CUL1: variants seen among roughly 807,000 people sequenced by gnomAD.
CUL1 encodes the protein cullin 1, also known as cullin-1.
A neutral mutation model predicts 118.0 loss-of-function variants in CUL1; 24 were observed. The observed-to-expected ratio is 0.20, with a 90% confidence interval of 0.15 to 0.29. CUL1 has a LOEUF of 0.29. CUL1 is among the 10% of genes least tolerant of loss of function. CUL1 has a pLI of 1.00. For missense variants in CUL1, 361 were observed against 933.8 expected, an observed-to-expected ratio of 0.39 and a Z score of 7.99; for synonymous variants, 332 against 340.4, an observed-to-expected ratio of 0.98 and a Z score of 0.27.
intron 16 of CUL1, among the ~76,000 whole-genome samples, chr7:148,791,977 A>G (rs1333108544): frequency 6.6e-6 from 1 of 152,186 alleles, no homozygotes; most frequent in African/African-American, 2.4e-5. Flanking sequence ...TCACAAGGTC[A>G]GGAGTTCGAG....
intron 1 of CUL1, among the ~76,000 whole-genome samples, chr7:148,715,296 A>G (rs1211285047): frequency 6.6e-6 from 1 of 152,108 alleles, no homozygotes; most frequent in Non-Finnish European, 1.5e-5. Flanking sequence ...TCTTCTCACC[A>G]TCGTGTTGAG....
chr7:148,750,781 AC>A (rs1691076290), intron 2 of CUL1, among the ~76,000 whole-genome samples: 1 of 152,160 alleles, frequency 6.6e-6, no homozygotes, highest in Non-Finnish European at 1.5e-5. Flanking sequence ...GTGATCACTT[AC>A]CATTCTGAAA....
intron 7 of CUL1, among the ~76,000 whole-genome samples, chr7:148,760,767 G>A (rs1799802412): frequency 1.3e-5 from 2 of 152,032 alleles, no homozygotes; most frequent in African/African-American, 4.8e-5. Context: ...TGTAGAATGT[G>A]GATTTATATA....
intron 2 of CUL1, among the ~76,000 whole-genome samples, chr7:148,750,990 A>C (rs374016947): frequency 1.2e-4 from 19 of 152,098 alleles, no homozygotes; most frequent in African/African-American, 3.9e-4. Flanking sequence ...TCTTTAAAAA[A>C]AAAAAAAAAC....
At chr7:148,706,174 C>T (rs1797873289) in intron 1 of CUL1, among the ~76,000 whole-genome samples, 1 of 152,168 alleles carries the variant, frequency 6.6e-6, no homozygotes, top group Admixed American at 6.5e-5. Flanking sequence ...ATTTGGATCC[C>T]ATCCGCAAGA....
In CUL1 at chr7:148,798,578, A is replaced by G. The variant is rs757440775; in HGVS notation, c.2037A>G (p.Lys679=). 3.7e-6 allele frequency: 6 copies of G among 1,612,312 alleles called. No homozygotes were observed. In the East Asian group the frequency reaches 1.3e-4, roughly 36 times the overall value. Residue 679 remains lysine, a synonymous_variant, in exon 20 of 22, where the codon AAA becomes AAG. Coordinates refer to ENST00000325222, the MANE Select transcript of CUL1 (RefSeq NM_003592.3). ...IKLYLGYKNK[K]LRVNINVPMK... is the part of the protein sequence containing the mutation. The stretch of plus-strand genomic sequence containing the variant: ...TCCTCATTTTTCTTGATAGTAAGAA[A>G]TTAAGGGTTAACATCAATGTGCCAA...
intron 2 of CUL1, among the ~76,000 whole-genome samples, chr7:148,739,346 G>T (rs190794279): frequency 6.7e-4 from 102 of 152,300 alleles, no homozygotes; most frequent in Admixed American, 5.4e-3. Flanking sequence ...AGCTAAGACT[G>T]TGTGTCATCA....
At chr7:148,725,242 C>G (rs528218752) in intron 1 of CUL1, among the ~76,000 whole-genome samples, 2 of 152,154 alleles carry the variant, frequency 1.3e-5, no homozygotes, top group Non-Finnish European at 2.9e-5. Context: ...CACACACACA[C>G]ACACACCCGT....
intron 1 of CUL1, among the ~76,000 whole-genome samples, chr7:148,711,092 T>C (rs2129459034): frequency 6.6e-6 from 1 of 152,300 alleles, no homozygotes; most frequent in East Asian, 1.9e-4. Flanking sequence ...GAGTTACAGA[T>C]TTTTGTGAGC....
intron 1 of CUL1, among the ~76,000 whole-genome samples, chr7:148,704,681 C>T (rs1797827982): frequency 6.6e-6 from 1 of 152,060 alleles, no homozygotes; most frequent in Non-Finnish European, 1.5e-5. Context: ...CATAAAACAA[C>T]ATATGTAAGT....
intron 1 of CUL1, among the ~76,000 whole-genome samples, chr7:148,722,405 T>C (rs1044183625): frequency 1.2e-4 from 18 of 152,126 alleles, no homozygotes; most frequent in African/African-American, 3.6e-4. Context: ...GCGAAACTCC[T>C]CCATAGCCGC....
chr7:148,770,173 G>A (rs2129461154), intron 9 of CUL1, among the ~76,000 whole-genome samples: 1 of 152,338 alleles, frequency 6.6e-6, no homozygotes, highest in East Asian at 1.9e-4. Context: ...ATTTGAGGAA[G>A]CTTCATCCGT....
At chr7:148,713,111 G>A (rs1015927480) in intron 1 of CUL1, among the ~76,000 whole-genome samples, 9 of 152,198 alleles carry the variant, frequency 5.9e-5, no homozygotes, top group African/African-American at 1.9e-4. Flanking sequence ...AAAAGCATGT[G>A]TGGTGTAGAT....
intron 9 of CUL1, among the ~76,000 whole-genome samples, chr7:148,778,956 T>A (rs1800518405): frequency 6.6e-6 from 1 of 152,224 alleles, no homozygotes; most frequent in Admixed American, 6.5e-5. Flanking sequence ...GGTGCTGGGT[T>A]ACTAGGAAGT....
intron 9 of CUL1, among the ~76,000 whole-genome samples, chr7:148,778,848 C>T (rs1404158315): frequency 1.3e-5 from 2 of 152,236 alleles, no homozygotes; most frequent in Non-Finnish European, 2.9e-5. Flanking sequence ...TCTGTCCCCT[C>T]AGCCTGGAGA....
At chr7:148,706,216 T>C (rs1417443596) in intron 1 of CUL1, among the ~76,000 whole-genome samples, 2 of 152,206 alleles carry the variant, frequency 1.3e-5, no homozygotes, top group Non-Finnish European at 2.9e-5. Flanking sequence ...TGAAACAGTC[T>C]GAAATTCAAA....
At chr7:148,786,945 T>G (rs759560997) in intron 12 of CUL1, 44 bp from the exon 13 acceptor site, 65 of 1,591,008 alleles carry the variant, frequency 4.1e-5, no homozygotes, top group Non-Finnish European at 5.3e-5. Context: ...ACTGTTGGCT[T>G]GTGTGTGTGC....
Position 148,800,492 on chromosome 7 carries a change from T to A in CUL1, c.2251-10T>A. On this transcript the variant is annotated splice_polypyrimidine_tract_variant and intron_variant, in intron 21 of 21. Coordinates refer to ENST00000325222, the MANE Select transcript of CUL1 (RefSeq NM_003592.3). This position sits in a 1 kb window ranked among gnomAD's most constrained non-coding sequence, Gnocchi z 4.6. ...TTCACTACCTCTTCCTTTTTAAAAA[T>A]AACACCCAGAAATGCATTGACATTC... 6.2e-7 allele frequency: 1 copy of A among 1,609,764 alleles called. No individual in the cohort carries two copies. Among genetic ancestry groups the A allele is most frequent in the South Asian group, 1.1e-5 (1 of 90,922 alleles).
chr7:148,775,354 G>GAT (rs1331741280), intron 9 of CUL1, among the ~76,000 whole-genome samples: 5 of 152,176 alleles, frequency 3.3e-5, no homozygotes, highest in Non-Finnish European at 7.4e-5. Flanking sequence ...GATACACATG[G>GAT]ATAAAGTCAG....
Sources: gnomAD v4.1 joint callset for allele counts (sites outside exome capture counted in the v4.1 genomes callset) on GRCh38, gnomAD v4.1.1 for gene constraint, Gnocchi (gnomAD v3.1) non-coding constraint, MANE v1.5 for transcripts, NCBI Gene and HGNC (gene_info 2026-07-23, HGNC 2026-07-21) for gene names.